The following ZFP30 variants were observed in gnomAD, a reference collection of about 807,000 sequenced individuals.
ZFP30 encodes the protein ZFP30 zinc finger protein.
Under a neutral mutation model 12.3 loss-of-function variants are expected in ZFP30, and 16 were observed. The observed-to-expected ratio is 1.30, with a 90% confidence interval of 0.88 to 1.98. The LOEUF (loss-of-function observed/expected upper bound fraction) is 1.98, where lower values mean the gene tolerates loss of function less well. Ranked by LOEUF, ZFP30 falls within the 30% of genes most tolerant of loss-of-function variation. The pLI is 0.00. For synonymous variants in ZFP30, 172 were observed against 201.0 expected (o/e 0.86, Z 1.22); for missense variants, 560 against 611.2 (o/e 0.92, Z 0.88).
In ZFP30 at chr19:37,635,970, A is replaced by G. The variant is rs2044317003; in HGVS notation, c.571T>C (p.Cys191Arg). Reference protein sequence around the residue: ...TGEKPYECKECGKAFRQCAHL... With the variant: ...TGEKPYECKERGKAFRQCAHL... Reference sequence around the variant, plus strand: ...GCACACTGTCTAAAGGCTTTTCCACATTCTTTACATTCATAGGGTTTCTCA... The same window carrying G: ...GCACACTGTCTAAAGGCTTTTCCACGTTCTTTACATTCATAGGGTTTCTCA... Residue 191 changes from cysteine to arginine, a missense_variant, in exon 6 of 6, where the codon TGT becomes CGT. By Grantham distance (180) the Cys-to-Arg change is radical (BLOSUM62 -3). Transcript: ENST00000684514. 2 of 1,614,182 alleles carry G rather than the reference A, an allele frequency of 1.2e-6. No individual in the cohort carries two copies. The highest frequency in any genetic ancestry group is 1.7e-6 in the Non-Finnish European group (2 of 1,180,030).
At position 37,633,500 on chromosome 19, in the gene ZFP30, C is replaced by A. The variant is rs1214664138; in HGVS notation, c.*1481G>T. On this transcript the variant is annotated 3_prime_UTR_variant, in exon 6 of 6. Coordinates refer to ENST00000684514, the MANE Select transcript of ZFP30 (RefSeq NM_001320669.3). The stretch of plus-strand genomic sequence containing the variant: ...GCCCGAGTAGCTGGGATTACAGGCG[C>A]ATGTGACCACGCCTGGCTAATTTTT... 6.6e-6 allele frequency: 1 copy of A among 151,986 alleles called. No homozygotes were observed. The highest frequency in any genetic ancestry group is 2.0e-4 in the East Asian group (1 of 5,122). 9.4% of individuals were successfully genotyped at this position (151,986 alleles called of 1,614,324 possible).
At chr19:37,648,419 T>C (rs1453521527) in intron 2 of ZFP30, among the ~76,000 whole-genome samples, 1 of 152,180 alleles carries the variant, frequency 6.6e-6, no homozygotes. Context: ...AAATATACTG[T>C]TGCCTGGCTC....
intron 2 of ZFP30, among the ~76,000 whole-genome samples, chr19:37,652,806 G>A (rs1467348890): frequency 6.6e-6 from 1 of 151,982 alleles, no homozygotes; most frequent in African/African-American, 2.4e-5. Context: ...TGGGAAGATA[G>A]GCTACCTTAC....
intron 2 of ZFP30, among the ~76,000 whole-genome samples, chr19:37,649,843 GAA>G (rs67049117): frequency 2.0e-5 from 3 of 148,944 alleles, no homozygotes; most frequent in Non-Finnish European, 4.4e-5. Flanking sequence ...AGAAAGAAAA[GAA>G]AAAAAAAAGA....
intron 5 of ZFP30, among the ~76,000 whole-genome samples, chr19:37,638,385 T>C (rs2044370941): frequency 6.6e-6 from 1 of 152,254 alleles, no homozygotes; most frequent in African/African-American, 2.4e-5. Context: ...AACAGGTTTA[T>C]ACTATGGTAA....
In ZFP30 at chr19:37,633,377, G is replaced by C. The variant is rs1253723324; in HGVS notation, c.*1604C>G. ...AAATTTTCTTTTTTTCTTTGAGATA[G>C]AGTTTTGCTCTTGTTGCCCAGGCTG... On this transcript the variant is annotated 3_prime_UTR_variant, in exon 6 of 6. Coordinates refer to ENST00000684514, the MANE Select transcript of ZFP30 (RefSeq NM_001320669.3). The C allele has an allele frequency of 1.3e-5, 2 of 152,070 alleles. No individual in the cohort carries two copies. Among genetic ancestry groups the C allele is most frequent in the African/African-American group, 4.8e-5 (2 of 41,376 alleles). The allele number at this position is 152,070 out of a possible 1,614,324, so 9.4% of individuals were successfully genotyped here. A position where few individuals can be genotyped will look rare whatever the true frequency, so the allele number is the denominator to read the frequency against.
At chr19:37,647,943 G>C in intron 2 of ZFP30, 44 bp from the exon 3 acceptor site, 1 of 1,201,892 alleles carries the variant, frequency 8.3e-7, no homozygotes, top group East Asian at 2.4e-5. Context: ...AACTGCCTCA[G>C]AGTTTCCAAA....
chr19:37,634,992 T>C lies in ZFP30; in HGVS notation c.1549A>G (p.Asn517Asp). Residue 517 changes from asparagine to aspartate, a missense_variant, in exon 6 of 6, where the codon AAT becomes GAT. Physicochemically the swap from Asn to Asp is conservative, Grantham distance 23. Coordinates refer to ENST00000684514, the MANE Select transcript of ZFP30 (RefSeq NM_001320669.3). Reference sequence around the variant, plus strand: ...AGTTCTAATAATTATTAAGTTACATTATGAATTCGCTGATGGTAAGTAAGA... The same window carrying C: ...AGTTCTAATAATTATTAAGTTACATCATGAATTCGCTGATGGTAAGTAAGA... ...SHLTYHQRIH[N>D]VT is the part of the protein sequence containing the mutation. The C allele has an allele frequency of 6.5e-7, 1 of 1,545,714 alleles. No individual in the cohort carries two copies.
intron 5 of ZFP30, among the ~76,000 whole-genome samples, chr19:37,640,635 C>G (rs923813093): frequency 6.6e-6 from 1 of 151,334 alleles, no homozygotes; most frequent in Non-Finnish European, 1.5e-5. Context: ...ACCTGTAATA[C>G]AAGCACTCTG....
intron 5 of ZFP30, among the ~76,000 whole-genome samples, chr19:37,639,614 T>G (rs371514641): frequency 3.3e-5 from 5 of 151,884 alleles, no homozygotes; most frequent in African/African-American, 9.7e-5. Context: ...AGAAAGAAAT[T>G]TAAGCCCATA....
chr19:37,655,250 CCTCA>C (rs2044731546), intron 1 of ZFP30, 166 bp downstream of exon 1: 1 of 152,358 alleles, frequency 6.6e-6, no homozygotes, highest in Non-Finnish European at 1.5e-5. Flanking sequence ...GGCCTCCAGG[CCTCA>C]GGGCTGCAGA....
At position 37,631,398 on chromosome 19, in the gene ZFP30, T is replaced by A. The variant is rs953745289; in HGVS notation, c.*3583A>T. ...CACAGAATGCTTTCTAAAAATACCA[T>A]CAAGCACTAGTGTTTCCTGGGAAAT... On this transcript the variant is annotated 3_prime_UTR_variant, in exon 6 of 6. Coordinates refer to ENST00000684514, the MANE Select transcript of ZFP30 (RefSeq NM_001320669.3). The A allele has an allele frequency of 2.6e-5, 4 of 152,190 alleles. No individual in the cohort carries two copies. Among genetic ancestry groups the A allele is most frequent in the African/African-American group, 9.6e-5 (4 of 41,458 alleles). 9.4% of individuals were successfully genotyped at this position (152,190 alleles called of 1,614,324 possible).
rs1450538235 is a variant in ZFP30, at chr19:37,634,728, G to A, written c.*253C>T. ...AGAATATGGAGATAATAATAGGTAA[G>A]ATCAAAAGCTTTTCCACATTCAGTC... On this transcript the variant is annotated 3_prime_UTR_variant, in exon 6 of 6. Coordinates refer to ENST00000684514, the MANE Select transcript of ZFP30 (RefSeq NM_001320669.3). 5.3e-6 allele frequency: 2 copies of A among 380,006 alleles called. No homozygotes were observed. The highest frequency in any genetic ancestry group is 9.3e-6 in the Non-Finnish European group (2 of 215,934). The allele number at this position is 380,006 out of a possible 1,614,324, so 23.5% of individuals were successfully genotyped here.
chr19:37,653,978 C>T (rs1033323846), intron 2 of ZFP30, among the ~76,000 whole-genome samples: 5 of 152,146 alleles, frequency 3.3e-5, no homozygotes. Flanking sequence ...TGGAAATACA[C>T]AAAGCTGATA....
rs1409408428 is a variant in ZFP30, at chr19:37,631,943, C to T, written c.*3038G>A. Reference sequence around the variant, plus strand: ...TGTCTAGATTTTCGTTTTGCCAGCCCTCCTCACCTAGTTCTTATAATCAGT... The same window carrying T: ...TGTCTAGATTTTCGTTTTGCCAGCCTTCCTCACCTAGTTCTTATAATCAGT... On this transcript the variant is annotated 3_prime_UTR_variant, in exon 6 of 6. Coordinates refer to ENST00000684514, the MANE Select transcript of ZFP30 (RefSeq NM_001320669.3). 1 of 152,074 alleles carries T rather than the reference C, an allele frequency of 6.6e-6. No homozygotes were observed. The highest frequency in any genetic ancestry group is 1.9e-4 in the East Asian group (1 of 5,200). 9.4% of individuals were successfully genotyped at this position (152,074 alleles called of 1,614,324 possible).
chr19:37,631,629 G>A lies in ZFP30; in HGVS notation c.*3352C>T, dbSNP rs1293402419. 1 of 148,802 alleles carries A rather than the reference G, an allele frequency of 6.7e-6. No homozygotes were observed. Among genetic ancestry groups the A allele is most frequent in the Non-Finnish European group, 1.5e-5 (1 of 67,520 alleles). The allele number at this position is 148,802 out of a possible 1,614,324, so 9.2% of individuals were successfully genotyped here. Reference sequence around the variant, plus strand: ...TGAGAAGGTAATTTTAAGGTGTTGGGTTACACTTTTACATACATAAAATTC... The same window carrying A: ...TGAGAAGGTAATTTTAAGGTGTTGGATTACACTTTTACATACATAAAATTC... On this transcript the variant is annotated 3_prime_UTR_variant, in exon 6 of 6. Coordinates refer to ENST00000684514, the MANE Select transcript of ZFP30 (RefSeq NM_001320669.3).
At chr19:37,640,511 A>C (rs2044412722) in intron 5 of ZFP30, among the ~76,000 whole-genome samples, 1 of 151,192 alleles carries the variant, frequency 6.6e-6, no homozygotes, top group African/African-American at 2.4e-5. Context: ...AGCACTGCTA[A>C]TGTGAAAACA....
At chr19:37,641,743 A>C (rs1281569281) in intron 5 of ZFP30, among the ~76,000 whole-genome samples, 2 of 152,242 alleles carry the variant, frequency 1.3e-5, no homozygotes, top group South Asian at 2.1e-4. Flanking sequence ...AATTTTAAAC[A>C]ACCTAAAAAG....
intron 2 of ZFP30, among the ~76,000 whole-genome samples, chr19:37,653,421 A>G (rs2044692310): frequency 6.6e-6 from 1 of 152,220 alleles, no homozygotes; most frequent in Admixed American, 6.5e-5. Context: ...TTAAATACCT[A>G]GCAATTTAAT....
Sources: allele counts gnomAD v4.1 joint callset (sites outside exome capture counted in the v4.1 genomes callset), GRCh38; gene constraint gnomAD v4.1.1; transcripts MANE v1.5; gene names NCBI Gene and HGNC (gene_info 2026-07-23, HGNC 2026-07-21).